LRRC9: variants seen among roughly 807,000 people sequenced by gnomAD.
LRRC9 encodes leucine-rich repeat-containing protein 9.
Under a neutral mutation model 63.2 loss-of-function variants are expected in LRRC9, and 122 were observed. That is an observed-to-expected ratio of 1.93 (90% CI 1.67 to 2.24). LRRC9 has a LOEUF of 2.24. LRRC9 is among the 30% of genes most tolerant of loss of function. The probability of loss-of-function intolerance (pLI) is 0.00; values close to 1 mark genes in which losing one functional copy is unlikely to be tolerated. For missense variants in LRRC9, 1,071 were observed against 627.7 expected (o/e 1.71, Z -7.55); for synonymous variants, 366 against 213.1 (o/e 1.72, Z -6.25).
At chr14:59,991,789 A>G (rs79611787) in intron 17 of LRRC9, among the ~76,000 whole-genome samples, 1 of 66,962 alleles carries the variant, frequency 1.5e-5, no homozygotes, top group African/African-American at 3.2e-5. Flanking sequence ...GCCATTGCCC[A>G]GGCTTCAGTA....
Position 60,034,015 on chromosome 14 carries a change from C to CTTTCTTTTTTTTTTT in LRRC9, c.3990+1955_3990+1956insCTTTTTTTTTTTTTT, listed in dbSNP as rs1555385955. Among the ~76,000 whole-genome samples the CTTTCTTTTTTTTTTT allele has an allele frequency of 2.6e-5, 3 of 116,058 alleles. 1 individual carries two copies. 76.1% of individuals were successfully genotyped at this position (116,058 alleles called of 152,430 possible). Reference sequence around the variant, plus strand: ...GGCCTTTTTATGTAATTTTTTCTTTCTTTTTTTTTTTTTTTTTTTTTTTGA... The same window carrying CTTTCTTTTTTTTTTT: ...GGCCTTTTTATGTAATTTTTTCTTTCTTTCTTTTTTTTTTTTTTTTTTTTTTTTTTTTTTTTTTGA... On this transcript the variant is annotated intron_variant, in intron 29 of 31. Transcript: ENST00000445360.
intron 17 of LRRC9, among the ~76,000 whole-genome samples, chr14:59,996,244 A>G (rs1193124657): frequency 6.6e-6 from 1 of 152,158 alleles, no homozygotes; most frequent in African/African-American, 2.4e-5. Context: ...TTTACTGCCA[A>G]ATATCCTTTC....
chr14:59,934,073 GT>G lies in LRRC9; in HGVS notation c.543+2035del, dbSNP rs2139797759. Reference sequence around the variant, plus strand: ...GGAACAGCTAGAAGAAGAAAACCCAGTCAGGAGATTCCAGGAATAATCTAAA... The same window carrying G: ...GGAACAGCTAGAAGAAGAAAACCCAGCAGGAGATTCCAGGAATAATCTAAA... On this transcript the variant is annotated intron_variant, in intron 6 of 31. Coordinates refer to ENST00000445360, the Ensembl canonical transcript of LRRC9. 2.0e-5 allele frequency among the ~76,000 whole-genome samples: 3 copies of G among 151,988 alleles called. No individual in the cohort carries two copies. In the East Asian group the frequency reaches 5.8e-4, roughly 29 times the overall value.
At chr14:59,952,160 G>C (rs1196064881) in intron 8 of LRRC9, among the ~76,000 whole-genome samples, 1 of 151,808 alleles carries the variant, frequency 6.6e-6, no homozygotes, top group Non-Finnish European at 1.5e-5. Context: ...AGATTCCGTG[G>C]GCGTAGGACC....
intron 29 of LRRC9, among the ~76,000 whole-genome samples, chr14:60,038,752 C>T (rs1183046813): frequency 6.6e-6 from 1 of 152,172 alleles, no homozygotes; most frequent in Non-Finnish European, 1.5e-5. Flanking sequence ...ACTGAATACG[C>T]TTTATTTCTT....
In LRRC9 at chr14:60,017,903, C is replaced by G. The variant is rs543400710; in HGVS notation, c.3318-468C>G. Among the ~76,000 whole-genome samples the G allele has an allele frequency of 3.9e-5, 6 of 152,176 alleles. No individual in the cohort carries two copies. The highest frequency in any genetic ancestry group is 3.9e-4 in the Admixed American group (6 of 15,256). On this transcript the variant is annotated intron_variant, in intron 24 of 31. Coordinates refer to ENST00000445360, the Ensembl canonical transcript of LRRC9. This position sits in a 1 kb window ranked among gnomAD's most constrained non-coding sequence, Gnocchi z 4.0. The stretch of plus-strand genomic sequence containing the variant: ...GAAGATACCACAGAAACTCTATTTT[C>G]AAAGACCTTACCTGCTTTTCCTTTC...
At chr14:60,030,109 A>G (rs569129191) in intron 28 of LRRC9, among the ~76,000 whole-genome samples, 1 of 152,228 alleles carries the variant, frequency 6.6e-6, no homozygotes, top group Admixed American at 6.6e-5. Context: ...GCAGGCTGAT[A>G]CCAGCATTAA....
At chr14:60,025,202 C>CA (rs1891444676) in intron 27 of LRRC9, among the ~76,000 whole-genome samples, 1 of 151,810 alleles carries the variant, frequency 6.6e-6, no homozygotes, top group African/African-American at 2.4e-5. Context: ...GTAATCCTCC[C>CA]ACCTCAGCTT....
In LRRC9 at chr14:59,964,808, C is replaced by T. The variant is rs1240106381; in HGVS notation, c.1212-1781C>T. ...CATCATGCTTGATTGCAACACTATT[C>T]ATATCTGTCTCCTCTACCAGACTGC... On this transcript the variant is annotated intron_variant, in intron 10 of 31. Coordinates refer to ENST00000445360, the Ensembl canonical transcript of LRRC9. This position sits in a 1 kb window ranked among gnomAD's most constrained non-coding sequence, Gnocchi z 4.4. Among the ~76,000 whole-genome samples the T allele has an allele frequency of 6.6e-6, 1 of 152,136 alleles. No homozygotes were observed. Among genetic ancestry groups the T allele is most frequent in the Non-Finnish European group, 1.5e-5 (1 of 68,022 alleles).
At chr14:60,002,701 G>A (rs569487169) in intron 20 of LRRC9, among the ~76,000 whole-genome samples, 16 of 152,262 alleles carry the variant, frequency 1.1e-4, no homozygotes, top group South Asian at 8.3e-4. Context: ...GAATGGCTAC[G>A]TCAGATGGGC....
intron 29 of LRRC9, among the ~76,000 whole-genome samples, chr14:60,044,530 C>T (rs1231883096): frequency 3.3e-5 from 5 of 152,084 alleles, no homozygotes; most frequent in Non-Finnish European, 7.4e-5. Flanking sequence ...TTTTTTAATT[C>T]CCTTCTTCAT....
chr14:59,997,639 A>G lies in LRRC9; in HGVS notation c.2212-17A>G, dbSNP rs763201717. 4.6e-5 allele frequency: 30 copies of G among 659,318 alleles called. No individual in the cohort carries two copies. Among genetic ancestry groups the G allele is most frequent in the South Asian group, 4.1e-4 (25 of 60,576 alleles). 40.8% of individuals were successfully genotyped at this position (659,318 alleles called of 1,614,324 possible). A position where few individuals can be genotyped will look rare whatever the true frequency, so the allele number is the denominator to read the frequency against. On this transcript the variant is annotated splice_polypyrimidine_tract_variant and intron_variant, in intron 17 of 31. Coordinates refer to ENST00000445360, the Ensembl canonical transcript of LRRC9. ...TTATGATTCTCTTAGCATCACTTTT[A>G]TTTATATGTGTTGCAGTATAACCTT...
intron 29 of LRRC9, among the ~76,000 whole-genome samples, chr14:60,039,954 G>A (rs1461585073): frequency 1.3e-5 from 2 of 150,438 alleles, no homozygotes; most frequent in Non-Finnish European, 2.9e-5. Flanking sequence ...AGAGATTCTG[G>A]TATGTTGTGC....
exon 4 of LRRC9, chr14:59,931,020 G>C: frequency 2.3e-6 from 1 of 426,720 alleles, no homozygotes; most frequent in African/African-American, 2.0e-5. Context: ...CAAATTGAAG[G>C]TTCTTTGGCT....
At chr14:60,050,547 C>T (rs915920514) in intron 29 of LRRC9, among the ~76,000 whole-genome samples, 5 of 152,172 alleles carry the variant, frequency 3.3e-5, no homozygotes, top group African/African-American at 1.2e-4. Flanking sequence ...TTATTACCCA[C>T]CTTCTGAAGC....
rs755193026 is a variant in LRRC9, at chr14:59,937,195, T to TAA, written c.544-1173_544-1172dup. Among the ~76,000 whole-genome samples, 40 of 89,402 alleles carry TAA rather than the reference T, an allele frequency of 4.5e-4. No homozygotes were observed. The East Asian group carries it at 5.6e-3, about 12-fold the overall frequency. The allele number at this position is 89,402 out of a possible 152,430, so 58.7% of individuals were successfully genotyped here. ...TCACAGGGTTAGCAAATGTTTTCTG[T>TAA]AAAAAAAAAAAAAAAAAAAAAAAGC... On this transcript the variant is annotated intron_variant, in intron 6 of 31. Coordinates refer to ENST00000445360, the Ensembl canonical transcript of LRRC9.
chr14:59,922,515 C>A lies in LRRC9; in HGVS notation c.-34+2632C>A, dbSNP rs533544395. ...GGAGACCGTTGACAAGGAAATTTGG[C>A]AATAAATGAAAGAGGAAAATTTGAC... On this transcript the variant is annotated intron_variant, in intron 1 of 31. Transcript: ENST00000445360. This position sits in a 1 kb window ranked among gnomAD's most constrained non-coding sequence, Gnocchi z 5.3. Among the ~76,000 whole-genome samples the A allele has an allele frequency of 6.6e-6, 1 of 152,038 alleles. No individual in the cohort carries two copies. The highest frequency in any genetic ancestry group is 2.1e-4 in the South Asian group (1 of 4,814).
At chr14:60,063,911 A>T (rs557963125), downstream of LRRC9, among the ~76,000 whole-genome samples, 36 of 152,272 alleles carry the variant, frequency 2.4e-4, 1 homozygote, top group Admixed American at 1.8e-3. Flanking sequence ...GTATTTTTTT[A>T]AAAAATACCC....
Position 60,053,109 on chromosome 14 carries a change from G to A in LRRC9, c.4035G>A (p.Leu1345=), listed in dbSNP as rs1319663354. 1 of 701,538 alleles carries A rather than the reference G, an allele frequency of 1.4e-6. No individual in the cohort carries two copies. Among genetic ancestry groups the A allele is most frequent in the African/African-American group, 1.7e-5 (1 of 57,182 alleles). The allele number at this position is 701,538 out of a possible 1,614,324, so 43.5% of individuals were successfully genotyped here. A position where few individuals can be genotyped will look rare whatever the true frequency, so the allele number is the denominator to read the frequency against. The change falls in exon 30 of 32, where the codon CTG becomes CTA. Residue 1345 remains leucine, a synonymous_variant. Coordinates refer to ENST00000445360, the Ensembl canonical transcript of LRRC9. This position sits in a 1 kb window ranked among gnomAD's most constrained non-coding sequence, Gnocchi z 4.8. ...ATCGCCACATGCTTATATTTCGACT[G>A]CCTAACTTACAGATGTTAGATGGAA...
Sources: gnomAD v4.1 joint callset for allele counts (sites outside exome capture counted in the v4.1 genomes callset) on GRCh38, gnomAD v4.1.1 for gene constraint, Gnocchi (gnomAD v3.1) non-coding constraint, MANE v1.5 for transcripts, NCBI Gene and HGNC (gene_info 2026-07-23, HGNC 2026-07-21) for gene names.